FAM107B: variants seen among roughly 807,000 people sequenced by gnomAD.
FAM107B encodes the protein protein FAM107B.
A neutral mutation model predicts 31.5 loss-of-function variants in FAM107B; 21 were observed. That is an observed-to-expected ratio of 0.67 (90% CI 0.47 to 0.96). The LOEUF (loss-of-function observed/expected upper bound fraction) is 0.96. Ranked by LOEUF, FAM107B falls within the 40% of genes least tolerant of loss-of-function variation. FAM107B has a pLI of 0.00. For missense variants in FAM107B, 452 were observed against 377.1 expected (o/e 1.20, Z -1.64); for synonymous variants, 157 against 141.5 (o/e 1.11, Z -0.78).
chr10:14,591,822 C>A (rs1852029568), intron 2 of FAM107B, among the ~76,000 whole-genome samples: 1 of 152,110 alleles, frequency 6.6e-6, no homozygotes, highest in African/African-American at 2.4e-5. Flanking sequence ...TGATAACTTC[C>A]AGTTTACAGA....
chr10:14,598,592 T>C (rs1852263569), intron 2 of FAM107B, among the ~76,000 whole-genome samples: 1 of 152,178 alleles, frequency 6.6e-6, no homozygotes, highest in Non-Finnish European at 1.5e-5. Flanking sequence ...AAGGTTTCAG[T>C]TCAGCAAGAG....
At chr10:14,767,501 A>G (rs78618624) in intron 1 of FAM107B, among the ~76,000 whole-genome samples, 2,933 of 152,304 alleles carry the variant, frequency 0.019, 94 homozygotes, top group African/African-American at 0.065. Context: ...CTGGAATACA[A>G]TGATGGTCAA....
At chr10:14,667,409 C>T (rs1854429932) in intron 2 of FAM107B, among the ~76,000 whole-genome samples, 1 of 152,178 alleles carries the variant, frequency 6.6e-6, no homozygotes. Context: ...GAACTGTAAT[C>T]AATAAAAGAA....
At chr10:14,728,731 C>A (rs1019423793) in intron 1 of FAM107B, among the ~76,000 whole-genome samples, 21 of 152,172 alleles carry the variant, frequency 1.4e-4, no homozygotes, top group African/African-American at 5.1e-4. Context: ...CATACATTGA[C>A]CTCCAGCCAC....
intron 1 of FAM107B, among the ~76,000 whole-genome samples, chr10:14,751,410 C>G (rs1832825228): frequency 6.6e-6 from 1 of 152,188 alleles, no homozygotes; most frequent in African/African-American, 2.4e-5. Flanking sequence ...GAAACCACCA[C>G]TGAGAAGGGG....
intron 2 of FAM107B, among the ~76,000 whole-genome samples, chr10:14,560,098 C>T (rs940859470): frequency 2.0e-5 from 3 of 152,184 alleles, no homozygotes; most frequent in Non-Finnish European, 4.4e-5. Context: ...TCCAGACCAT[C>T]AGAGAGTTTT....
At chr10:14,771,460 A>T (rs2131601354) in intron 1 of FAM107B, among the ~76,000 whole-genome samples, 1 of 152,316 alleles carries the variant, frequency 6.6e-6, no homozygotes, top group African/African-American at 2.4e-5. Flanking sequence ...TGTATTTCAA[A>T]ATAGCTAGAA....
At chr10:14,533,326 G>A (rs78017415) in intron 2 of FAM107B, among the ~76,000 whole-genome samples, 2,620 of 152,260 alleles carry the variant, frequency 0.017, 82 homozygotes, top group African/African-American at 0.06. Flanking sequence ...GACACGAGGC[G>A]TGAAAAGCAC....
At chr10:14,586,094 G>A (rs1057150546) in intron 2 of FAM107B, among the ~76,000 whole-genome samples, 4 of 152,114 alleles carry the variant, frequency 2.6e-5, no homozygotes, top group Non-Finnish European at 4.4e-5. Context: ...CTGGGCAAGG[G>A]CACTGAGTCC....
At chr10:14,554,092 A>C in intron 2 of FAM107B, 1 of 985,054 alleles carries the variant, frequency 1.0e-6, no homozygotes, top group Non-Finnish European at 1.2e-6. Flanking sequence ...TGTATAGTAG[A>C]TATGGACTCA....
intron 2 of FAM107B, among the ~76,000 whole-genome samples, chr10:14,601,538 GCACA>G (rs1294735013): frequency 6.6e-6 from 1 of 152,164 alleles, no homozygotes; most frequent in Non-Finnish European, 1.5e-5. Flanking sequence ...ACCCCATGAT[GCACA>G]CAGAGGACAT....
rs1161213901 is a variant in FAM107B, at chr10:14,630,277, C to T, written c.469+37357G>A. 3.5e-4 allele frequency among the ~76,000 whole-genome samples: 7 copies of T among 20,166 alleles called. No homozygotes were observed. The South Asian group carries it at 0.018, about 51-fold the overall frequency. The allele number at this position is 20,166 out of a possible 152,430, so 13.2% of individuals were successfully genotyped here. A position where few individuals can be genotyped will look rare whatever the true frequency, so the allele number is the denominator to read the frequency against. On this transcript the variant is annotated intron_variant, in intron 2 of 4. Transcript: ENST00000181796. ...ACTATGCCTCACTTCTCTACTGATG[C>T]TAAAAAAAAAAAAAAAAAATGGAAA...
At chr10:14,659,795 T>G (rs1449438721) in intron 2 of FAM107B, among the ~76,000 whole-genome samples, 1 of 152,196 alleles carries the variant, frequency 6.6e-6, no homozygotes, top group African/African-American at 2.4e-5. Flanking sequence ...AGATCTGAAC[T>G]CCAAGTGTCA....
At chr10:14,671,617 C>A (rs1276860681) in intron 1 of FAM107B, among the ~76,000 whole-genome samples, 3 of 152,120 alleles carry the variant, frequency 2.0e-5, no homozygotes, top group Admixed American at 6.6e-5. Flanking sequence ...TTTCTCTGGA[C>A]TTCTGGGAAA....
At chr10:14,616,618 A>G (rs1852857752) in intron 2 of FAM107B, among the ~76,000 whole-genome samples, 1 of 152,230 alleles carries the variant, frequency 6.6e-6, no homozygotes, top group South Asian at 2.1e-4. Context: ...CAATAATGAA[A>G]GGCACACTCG....
chr10:14,734,495 T>TTTTTTTG (rs1564279520), intron 1 of FAM107B, among the ~76,000 whole-genome samples: 1 of 151,834 alleles, frequency 6.6e-6, no homozygotes, highest in African/African-American at 2.4e-5. Context: ...GAGGTTTTTT[T>TTTTTTTG]TTTTTTTTTA....
intron 2 of FAM107B, among the ~76,000 whole-genome samples, chr10:14,655,008 G>C (rs1854007366): frequency 1.3e-5 from 2 of 152,320 alleles, no homozygotes; most frequent in South Asian, 4.1e-4. Flanking sequence ...GAAAGAGGTT[G>C]ATTTGACTCA....
At chr10:14,617,519 G>A (rs1194031177) in intron 2 of FAM107B, among the ~76,000 whole-genome samples, 1 of 152,172 alleles carries the variant, frequency 6.6e-6, no homozygotes, top group Non-Finnish European at 1.5e-5. Flanking sequence ...TCTGGCATCT[G>A]AAGCTTAAGA....
At chr10:14,651,259 G>T (rs567444328) in intron 2 of FAM107B, among the ~76,000 whole-genome samples, 1 of 152,264 alleles carries the variant, frequency 6.6e-6, no homozygotes, top group Admixed American at 6.5e-5. Flanking sequence ...TCTGGCTAAA[G>T]AATATGAATA....
Sources: gnomAD v4.1 joint callset for allele counts (sites outside exome capture counted in the v4.1 genomes callset) on GRCh38, gnomAD v4.1.1 for gene constraint, MANE v1.5 for transcripts, NCBI Gene and HGNC (gene_info 2026-07-23, HGNC 2026-07-21) for gene names.